MID2: variants seen among roughly 807,000 people sequenced by gnomAD.
The protein encoded by MID2 is midline 2, also known as probable E3 ubiquitin-protein ligase MID2.
In MID2, 13 loss-of-function variants were observed where a neutral mutation model predicts 46.1. That is an observed-to-expected ratio of 0.28 (90% confidence interval 0.18 to 0.45). The LOEUF (loss-of-function observed/expected upper bound fraction) is 0.45, where lower values mean the gene tolerates loss of function less well. Ranked by LOEUF, MID2 falls within the 20% of genes least tolerant of loss-of-function variation. MID2 has a pLI of 1.00. For synonymous variants in MID2, 199 were observed against 212.3 expected, an observed-to-expected ratio of 0.94 and a Z score of 0.55; for missense variants, 431 against 575.4, an observed-to-expected ratio of 0.75 and a Z score of 2.57.
chrX:107,881,535 C>T (rs1204546173), intron 3 of MID2, among the ~76,000 whole-genome samples: 1 of 111,953 alleles, frequency 8.9e-6, no homozygotes, highest in African/African-American at 3.2e-5. Context: ...TTCTGAGATA[C>T]TGAAATTCAC....
At chrX:107,861,717 G>A (rs1003404508) in intron 3 of MID2, among the ~76,000 whole-genome samples, 3 of 112,480 alleles carry the variant, frequency 2.7e-5, no homozygotes, top group Non-Finnish European at 5.6e-5. Context: ...TTATCCTTTC[G>A]AAGAGCAGAA....
rs1393665429 is a variant in MID2, at chrX:107,845,521, A to ACTCTCT, written c.720+4137_720+4138insTCTCTC. 6.4e-3 allele frequency among the ~76,000 whole-genome samples: 546 copies of ACTCTCT among 85,507 alleles called. 8 individuals carry two copies. Among genetic ancestry groups the ACTCTCT allele is most frequent in the African/African-American group, 0.038 (468 of 12,206 alleles). The allele number at this position is 85,507 out of a possible 115,157, so 74.3% of individuals were successfully genotyped here. A position where few individuals can be genotyped will look rare whatever the true frequency, so the allele number is the denominator to read the frequency against. On this transcript the variant is annotated intron_variant, in intron 2 of 9. Transcript: ENST00000262843. ...CACACACACACACACACACACACACACACACTCTCTCTCTCTCTCTCTCTC... is the reference window on the plus strand; with the variant it reads ...CACACACACACACACACACACACACACTCTCTCACACTCTCTCTCTCTCTCTCTCTC...
At position 107,854,675 on chromosome X, in the gene MID2, A is replaced by C. The variant is rs781516899; in HGVS notation, c.787A>C (p.Lys263Gln). 3 of 1,209,238 alleles carry C rather than the reference A, an allele frequency of 2.5e-6. No homozygotes were observed. The change falls in exon 3 of 10, where the codon AAA (lysine) becomes CAA (glutamine). Residue 263 changes from lysine (K) to glutamine (Q), a missense_variant. Transcript: ENST00000262843. ...CAGCGAACTAGAAAATCAAATGGCC[A>C]AACTAATACAGATCTGCCAGCAGGT... The part of the protein sequence containing the change: ...RNSELENQMA[K>Q]LIQICQQVEV...
At chrX:107,870,603 TA>T (rs910881455) in intron 3 of MID2, among the ~76,000 whole-genome samples, 1 of 111,550 alleles carries the variant, frequency 9.0e-6, no homozygotes, top group Non-Finnish European at 1.9e-5. Context: ...CCCTTATAAT[TA>T]ATATCTCTCC....
At position 107,930,497 on chromosome X, in the gene MID2, C is replaced by A. The variant is rs778343569; in HGVS notation, c.*3424C>A. ...CAAAAATCACTCAAAGCTAAGCCTA[C>A]TTAAAAAAGTGGGGAATTAAACTGG... On this transcript the variant is annotated 3_prime_UTR_variant, in exon 10 of 10. Transcript: ENST00000262843. Among the ~76,000 whole-genome samples the A allele has an allele frequency of 8.9e-6, 1 of 111,946 alleles. No individual in the cohort carries two copies. The highest frequency in any genetic ancestry group is 1.9e-5 in the Non-Finnish European group (1 of 53,121).
chrX:107,862,299 C>T (rs1303388354), intron 3 of MID2, among the ~76,000 whole-genome samples: 2 of 111,639 alleles, frequency 1.8e-5, no homozygotes, highest in Admixed American at 9.5e-5. Flanking sequence ...TCAGGACTTC[C>T]AAAGCTTTTT....
intron 3 of MID2, among the ~76,000 whole-genome samples, chrX:107,871,981 C>A (rs925736071): frequency 8.9e-6 from 1 of 111,912 alleles, no homozygotes; most frequent in Non-Finnish European, 1.9e-5. Flanking sequence ...GAGGGCAAGA[C>A]CTTTGCCAGA....
rs573268661 is a variant in MID2, at chrX:107,892,296, C to T, written c.817-11662C>T. Among the ~76,000 whole-genome samples the T allele has an allele frequency of 2.8e-4, 31 of 112,309 alleles. No individual in the cohort carries two copies. The South Asian group carries it at 5.6e-3, about 20-fold the overall frequency. On this transcript the variant is annotated intron_variant, in intron 3 of 9. Coordinates refer to ENST00000262843, the MANE Select transcript of MID2 (RefSeq NM_012216.4). ...GGATGGCCTTGGAAAAAGCCCTAGA[C>T]TAGAAATCAGGAAACCTGGGTTCTG...
At chrX:107,851,860 TTTA>T (rs1931629770) in intron 2 of MID2, among the ~76,000 whole-genome samples, 8 of 5,917 alleles carry the variant, frequency 1.4e-3, no homozygotes, top group Admixed American at 9.2e-3. Flanking sequence ...ATACTTTTTA[TTTA>T]TTTATTTATT....
intron 4 of MID2, among the ~76,000 whole-genome samples, chrX:107,904,585 G>C (rs1237874609): frequency 9.0e-6 from 1 of 111,583 alleles, no homozygotes; most frequent in Non-Finnish European, 1.9e-5. Context: ...TGCTTTGTAA[G>C]AGTTGATAAA....
At chrX:107,917,077 G>A (rs1483371633) in intron 6 of MID2, among the ~76,000 whole-genome samples, 1 of 111,867 alleles carries the variant, frequency 8.9e-6, no homozygotes, top group East Asian at 2.8e-4. Flanking sequence ...GAAGGCAGAG[G>A]TTGCAGTGAG....
chrX:107,895,217 G>C (rs757884067), intron 3 of MID2: 14 of 102,601 alleles, frequency 1.4e-4, no homozygotes, highest in Middle Eastern at 0.01. Flanking sequence ...ACTTTTTTTG[G>C]GGGGGGGGTG....
intron 7 of MID2, among the ~76,000 whole-genome samples, chrX:107,922,914 A>C (rs982744360): frequency 3.6e-5 from 4 of 111,592 alleles, no homozygotes; most frequent in African/African-American, 1.3e-4. Flanking sequence ...TTAAAATCTT[A>C]TGTGCAGCTT....
intron 3 of MID2, among the ~76,000 whole-genome samples, chrX:107,887,343 A>G (rs1932477028): frequency 8.9e-6 from 1 of 111,920 alleles, no homozygotes; most frequent in Non-Finnish European, 1.9e-5. Flanking sequence ...AGGGTTGTTG[A>G]ATTTTGTCAA....
rs1932992560 is a variant in MID2 at position 107,917,558 on chromosome X, C to A, written c.1254C>A (p.Thr418=). 8.3e-7 allele frequency: 1 copy of A among 1,209,498 alleles called. No individual in the cohort carries two copies. Among genetic ancestry groups the A allele is most frequent in the African/African-American group, 1.8e-5 (1 of 57,006 alleles). The change falls in exon 7 of 10, where the codon ACC becomes ACA. Residue 418 remains threonine (T), a synonymous_variant. Transcript: ENST00000262843. ...AACTCTGTACTGCCTCCCATGACAC[C>A]ATTACAGTCCACTGGATCTCGGATG... ...REELCTASHD[T]ITVHWISDDE... is the part of the protein sequence containing the mutation.
chrX:107,868,808 C>A (rs988239583), intron 3 of MID2, among the ~76,000 whole-genome samples: 7 of 110,542 alleles, frequency 6.3e-5, no homozygotes, highest in Non-Finnish European at 1.3e-4. Context: ...TGAAGTTGGA[C>A]ACCACAAATT....
At chrX:107,904,138 C>T (rs1315212009) in intron 4 of MID2, 73 bp downstream of exon 4, 3 of 714,289 alleles carry the variant, frequency 4.2e-6, no homozygotes, top group Non-Finnish European at 6.5e-6. Flanking sequence ...CCAGATGATT[C>T]TGGTTTGATC....
intron 3 of MID2, among the ~76,000 whole-genome samples, chrX:107,900,307 TC>T (rs753910977): frequency 8.9e-6 from 1 of 111,883 alleles, no homozygotes; most frequent in Non-Finnish European, 1.9e-5. Flanking sequence ...GCTAAATCAG[TC>T]AGTAAATGTT....
chrX:107,853,189 G>C (rs1454399791), intron 2 of MID2, among the ~76,000 whole-genome samples: 1 of 111,938 alleles, frequency 8.9e-6, no homozygotes, highest in Non-Finnish European at 1.9e-5. Context: ...TAGAATTCCG[G>C]CTACTGTTGT....
Sources: allele counts gnomAD v4.1 joint callset (sites outside exome capture counted in the v4.1 genomes callset), GRCh38; gene constraint gnomAD v4.1.1; transcripts MANE v1.5; gene names NCBI Gene and HGNC (gene_info 2026-07-23, HGNC 2026-07-21).